PKD1L1: variants seen among roughly 807,000 people sequenced by gnomAD.
PKD1L1 encodes polycystin-1-like protein 1.
A neutral mutation model predicts 323.4 loss-of-function variants in PKD1L1; 236 were observed. The ratio of observed to expected loss-of-function variants is 0.73; its 90% CI spans 0.66 to 0.81. PKD1L1 has a LOEUF of 0.81. Among genes scored for constraint, PKD1L1 ranks in the 40% least tolerant of loss-of-function variants. The pLI is 0.00. For missense variants in PKD1L1, 3,320 were observed against 3,508.0 expected (o/e 0.95, Z 1.35); for synonymous variants, 1,344 against 1,335.0 (o/e 1.01, Z -0.15).
chr7:47,888,223 A>AG, intron 16 of PKD1L1, 73 bp from the exon 17 acceptor site: 1 of 1,466,946 alleles, frequency 6.8e-7, no homozygotes, highest in Non-Finnish European at 9.4e-7. Context: ...AATTCATGTT[A>AG]GGCATGTTTA....
chr7:47,829,081 G>A (rs1583601645), intron 44 of PKD1L1, among the ~76,000 whole-genome samples: 2 of 152,300 alleles, frequency 1.3e-5, no homozygotes, highest in Non-Finnish European at 1.5e-5. Flanking sequence ...AGAGAGGAAG[G>A]ATGGGGAGGA....
intron 46 of PKD1L1, chr7:47,818,249 CA>C: frequency 1.6e-6 from 2 of 1,275,224 alleles, no homozygotes; most frequent in Non-Finnish European, 2.1e-6. Context: ...AAGAATGAGC[CA>C]GGGGGCACAG....
chr7:47,837,920 T>G (rs1261193540), intron 36 of PKD1L1, among the ~76,000 whole-genome samples: 1 of 152,156 alleles, frequency 6.6e-6, no homozygotes, highest in African/African-American at 2.4e-5. Context: ...TTTATGTAAA[T>G]AAACTAGCCA....
chr7:47,949,743 G>A (rs1046448491), upstream of PKD1L1, among the ~76,000 whole-genome samples: 1 of 152,168 alleles, frequency 6.6e-6, no homozygotes, highest in Non-Finnish European at 1.5e-5. Flanking sequence ...CAAGAAGAGT[G>A]GGAACGTTTT....
intron 56 of PKD1L1, among the ~76,000 whole-genome samples, chr7:47,782,719 G>C (rs925210381): frequency 6.6e-5 from 10 of 152,216 alleles, no homozygotes; most frequent in African/African-American, 2.4e-4. Context: ...TACTGGGATA[G>C]TGGTTGAGTG....
At chr7:47,884,570 G>A in intron 19 of PKD1L1, 28 bp downstream of exon 19, 4 of 1,605,162 alleles carry the variant, frequency 2.5e-6, no homozygotes, top group Non-Finnish European at 3.4e-6. Flanking sequence ...TGAGTGGAGA[G>A]AGGCAGCAGG....
chr7:47,795,642 G>A (rs1784507582), intron 55 of PKD1L1, among the ~76,000 whole-genome samples: 1 of 152,108 alleles, frequency 6.6e-6, no homozygotes, highest in Non-Finnish European at 1.5e-5. Context: ...TAGAAGTTTG[G>A]GTTTGATAGC....
Position 47,847,067 on chromosome 7 carries a change from G to A in PKD1L1, c.4965C>T (p.Ala1655=). ...IYIPAASQKD[A]SVGYLSLLDA... is the part of the protein sequence containing the mutation. The stretch of plus-strand genomic sequence containing the variant: ...CCAATAAGGATAAATAGCCTACACT[G>A]GCATCTAAAAAGAGAAAACATAAAT... The change falls in exon 32 of 57, where the codon GCC becomes GCT. Residue 1655 remains alanine, a synonymous_variant. Coordinates refer to ENST00000289672, the MANE Select transcript of PKD1L1 (RefSeq NM_138295.5). 1.9e-6 allele frequency: 3 copies of A among 1,566,660 alleles called. No individual in the cohort carries two copies. Among genetic ancestry groups the A allele is most frequent in the South Asian group, 1.2e-5 (1 of 82,412 alleles).
chr7:47,921,530 G>T, intron 7 of PKD1L1, among the ~76,000 whole-genome samples: 1 of 152,062 alleles, frequency 6.6e-6, no homozygotes. Context: ...CCCACTACTG[G>T]ATATCGATCC....
In PKD1L1 at chr7:47,792,670, T is replaced by A; in HGVS notation, c.8483A>T (p.Glu2828Val). 1 of 1,614,128 alleles carries A rather than the reference T, an allele frequency of 6.2e-7. No homozygotes were observed. The highest frequency in any genetic ancestry group is 1.1e-5 in the South Asian group (1 of 91,068). Residue 2828 changes from glutamate (E) to valine (V), a missense_variant, in exon 56 of 57, where the codon GAA becomes GTA. Transcript: ENST00000289672. ...AGAAATGTCCACTAAGGGACTCTCT[T>A]CTGTCCTTGCCTCCCCTGTGTTGTT... ...TSNNTGEARTEESPLVDISSY... is the reference protein window; with the variant it reads ...TSNNTGEARTVESPLVDISSY...
rs759716801 is a variant in PKD1L1 at position 47,858,659 on chromosome 7, A to G, written c.4362+14T>C. 1.3e-6 allele frequency: 2 copies of G among 1,599,126 alleles called. No homozygotes were observed. The highest frequency in any genetic ancestry group is 4.5e-5 in the East Asian group (2 of 44,782). On this transcript the variant is annotated intron_variant, in intron 27 of 56. Coordinates refer to ENST00000289672, the MANE Select transcript of PKD1L1 (RefSeq NM_138295.5). ...AAACAGTATTTTTATGGATGGAGAA[A>G]AAGTGTGACTTACCAACAATAAATC...
intron 33 of PKD1L1, among the ~76,000 whole-genome samples, chr7:47,843,618 C>T (rs1199998376): frequency 3.3e-5 from 5 of 152,134 alleles, no homozygotes; most frequent in African/African-American, 1.2e-4. Flanking sequence ...GTTTTGGAGA[C>T]CCTGCCTGTG....
intron 7 of PKD1L1, among the ~76,000 whole-genome samples, chr7:47,927,213 GA>G (rs199716909): frequency 7.1e-6 from 1 of 141,544 alleles, no homozygotes; most frequent in East Asian, 2.0e-4. Context: ...TACATGAAAA[GA>G]AAAAAAAACT....
intron 18 of PKD1L1, 29 bp downstream of exon 18, chr7:47,885,657 G>C: frequency 5.7e-6 from 9 of 1,588,976 alleles, no homozygotes; most frequent in African/African-American, 1.3e-5. Flanking sequence ...TAGACAAGAG[G>C]GATGACATGC....
At chr7:47,914,425 G>A (rs1787385844) in intron 8 of PKD1L1, among the ~76,000 whole-genome samples, 1 of 152,304 alleles carries the variant, frequency 6.6e-6, no homozygotes, top group East Asian at 1.9e-4. Flanking sequence ...GGTGGCAAAT[G>A]AAATAATCTC....
At chr7:47,799,224 T>C (rs1784609037) in intron 54 of PKD1L1, among the ~76,000 whole-genome samples, 1 of 152,036 alleles carries the variant, frequency 6.6e-6, no homozygotes, top group African/African-American at 2.4e-5. Context: ...AGGTAACTAG[T>C]TTGGTGAGTA....
At chr7:47,820,373 AAAG>A (rs1211696053) in intron 46 of PKD1L1, among the ~76,000 whole-genome samples, 1 of 152,206 alleles carries the variant, frequency 6.6e-6, no homozygotes, top group Non-Finnish European at 1.5e-5. Context: ...CTACTTATAG[AAAG>A]AAGGAGGAAG....
At chr7:47,959,646 G>A in the PKD1L1 span, among the ~76,000 whole-genome samples, 2 of 118,740 alleles carry the variant, frequency 1.7e-5, 1 homozygote, top group South Asian at 5.1e-4. Flanking sequence ...ATCCGGGAGG[G>A]AGGTGGGGGT....
chr7:47,955,981 G>A, the PKD1L1 span, among the ~76,000 whole-genome samples: 3 of 152,164 alleles, frequency 2.0e-5, no homozygotes, highest in African/African-American at 7.2e-5. Flanking sequence ...ATTACAATCC[G>A]TATGAAAGTA....
Sources: allele counts gnomAD v4.1 joint callset (sites outside exome capture counted in the v4.1 genomes callset), GRCh38; gene constraint gnomAD v4.1.1; transcripts MANE v1.5; gene names NCBI Gene and HGNC (gene_info 2026-07-23, HGNC 2026-07-21).